Variants in CLEC4D observed in about 807,000 individuals in gnomAD.
CLEC4D encodes C-type (calcium dependent, carbohydrate-recognition domain) lectin, superfamily member 8.
Under a neutral mutation model 21.1 loss-of-function variants are expected in CLEC4D, and 21 were observed. The ratio of observed to expected loss-of-function variants is 1.00; its 90% CI spans 0.71 to 1.43. The LOEUF is 1.43. CLEC4D is among the 40% of genes most tolerant of loss of function. CLEC4D has a pLI of 0.00. For synonymous variants in CLEC4D, 85 were observed against 83.1 expected, an observed-to-expected ratio of 1.02 and a Z score of -0.12; for missense variants, 289 against 260.7, an observed-to-expected ratio of 1.11 and a Z score of -0.75.
At chr12:8,529,104 T>C in the CLEC4D span, among the ~76,000 whole-genome samples, 7 of 152,300 alleles carry the variant, frequency 4.6e-5, no homozygotes, top group African/African-American at 1.7e-4. Flanking sequence ...TACAAAATAT[T>C]TTCTTTTTTA....
chr12:8,522,114 G>C lies in CLEC4D; in HGVS notation c.*843G>C, dbSNP rs1940466113. 1.3e-5 allele frequency: 2 copies of C among 152,046 alleles called. No individual in the cohort carries two copies. Among genetic ancestry groups the C allele is most frequent in the African/African-American group, 2.4e-5 (1 of 41,402 alleles). 9.4% of individuals were successfully genotyped at this position (152,046 alleles called of 1,614,324 possible). ...GACCTCATTACTTAGCTAACGACTG[G>C]ATAAAATTTCTTAATTGTTTGAAGT... On this transcript the variant is annotated 3_prime_UTR_variant, in exon 6 of 6. Transcript: ENST00000299665.
chr12:8,526,509 T>C (rs1390768512), downstream of CLEC4D, among the ~76,000 whole-genome samples: 1 of 152,222 alleles, frequency 6.6e-6, no homozygotes, highest in Admixed American at 6.5e-5. Context: ...TCATGAAGTT[T>C]TCATGCTGTG....
chr12:8,519,308 T>C, intron 4 of CLEC4D, 148 bp downstream of exon 4: 1 of 1,278,214 alleles, frequency 7.8e-7, no homozygotes, highest in South Asian at 1.9e-5. Context: ...CTTTTTGTCA[T>C]ATGGCCAACT....
chr12:8,516,874 A>G (rs949809053), intron 2 of CLEC4D, among the ~76,000 whole-genome samples: 2 of 152,242 alleles, frequency 1.3e-5, no homozygotes, highest in Non-Finnish European at 2.9e-5. Context: ...ATAGATAAAT[A>G]TATTTTGTTT....
the CLEC4D span, among the ~76,000 whole-genome samples, chr12:8,529,505 C>G: frequency 6.6e-6 from 1 of 152,002 alleles, no homozygotes; most frequent in Non-Finnish European, 1.5e-5. Context: ...GTCCTAACTA[C>G]TTGGGAAGCC....
Position 8,518,239 on chromosome 12 carries a change from G to T in CLEC4D, c.197G>T (p.Cys66Phe), listed in dbSNP as rs1157606562. The T allele has an allele frequency of 7.4e-7, 1 of 1,359,624 alleles. No individual in the cohort carries two copies. The allele number at this position is 1,359,624 out of a possible 1,614,324, so 84.2% of individuals were successfully genotyped here. Residue 66 changes from cysteine (C) to phenylalanine (F), a missense_variant, in exon 3 of 6, where the codon TGC (cysteine) becomes TTC (phenylalanine). Coordinates refer to ENST00000299665, the MANE Select transcript of CLEC4D (RefSeq NM_080387.5). ...TTAGAGCACCATGCAAAGCTCAAAT[G>T]CATCAAAGAGAAATCAGAACTGAAA... ...HKLEHHAKLKCIKEKSELKSA... is the reference protein window; with the variant it reads ...HKLEHHAKLKFIKEKSELKSA...
rs1940363995 is a variant in CLEC4D at position 8,515,266 on chromosome 12, C to T, written c.59C>T (p.Pro20Leu). ...GGAGGCATGCATCCCCAGCTGATAC[C>T]TTCGGTTATTGCTGTAGTTTTCATC... ...LEGGMHPQLI[P>L]SVIAVVFILL... The change falls in exon 2 of 6, where the codon CCT becomes CTT. Residue 20 changes from proline (P) to leucine (L), a missense_variant. Transcript: ENST00000299665. 6.5e-7 allele frequency: 1 copy of T among 1,536,178 alleles called. No individual in the cohort carries two copies. The highest frequency in any genetic ancestry group is 1.1e-5 in the South Asian group (1 of 89,436).
intron 2 of CLEC4D, among the ~76,000 whole-genome samples, 173 bp downstream of exon 2, chr12:8,515,501 A>G (rs752068862): frequency 6.6e-6 from 1 of 152,100 alleles, no homozygotes; most frequent in Admixed American, 6.5e-5. Flanking sequence ...CTGTCTTTCA[A>G]TGGTGGTACC....
chr12:8,518,997 T>C lies in CLEC4D; in HGVS notation c.233-12T>C. 1 of 1,610,620 alleles carries C rather than the reference T, an allele frequency of 6.2e-7. No individual in the cohort carries two copies. ...CTTTTGTTACCAATTTCCGTTTTAA[T>C]TTTCACTTGAGGGAGCACCTGGAAC... is the stretch of plus-strand genomic sequence containing the variant. On this transcript the variant is annotated splice_polypyrimidine_tract_variant and intron_variant, in intron 3 of 5. Coordinates refer to ENST00000299665, the MANE Select transcript of CLEC4D (RefSeq NM_080387.5).
chr12:8,524,016 T>C (rs771317236), downstream of CLEC4D, among the ~76,000 whole-genome samples: 1 of 152,368 alleles, frequency 6.6e-6, no homozygotes, highest in Admixed American at 6.5e-5. Flanking sequence ...GATTTGCGTA[T>C]GTTGAACCAA....
At chr12:8,527,837 G>T in the CLEC4D span, among the ~76,000 whole-genome samples, 1 of 152,154 alleles carries the variant, frequency 6.6e-6, no homozygotes, top group Non-Finnish European at 1.5e-5. Context: ...GTTTGTGAGT[G>T]GGATCTTCCA....
In CLEC4D at chr12:8,521,407, T is replaced by C; in HGVS notation, c.*136T>C. The C allele has an allele frequency of 4.2e-6, 6 of 1,427,636 alleles. No individual in the cohort carries two copies. Among genetic ancestry groups the C allele is most frequent in the Non-Finnish European group, 5.5e-6 (6 of 1,092,888 alleles). The allele number at this position is 1,427,636 out of a possible 1,614,324, so 88.4% of individuals were successfully genotyped here. ...TTTTTAGTCATAATGGTCTTTTTTA[T>C]TTTGTTTGATTCATTCGAGACAACA... is the stretch of plus-strand genomic sequence containing the variant. On this transcript the variant is annotated 3_prime_UTR_variant, in exon 6 of 6. Coordinates refer to ENST00000299665, the MANE Select transcript of CLEC4D (RefSeq NM_080387.5).
downstream of CLEC4D, chr12:8,522,395 T>A (rs1300502572): frequency 6.6e-6 from 1 of 152,174 alleles, no homozygotes; most frequent in African/African-American, 2.4e-5. Context: ...TTCCTGGATC[T>A]AAGCTGAAAA....
At position 8,521,582 on chromosome 12, in the gene CLEC4D, G is replaced by A. The variant is rs184620468; in HGVS notation, c.*311G>A. 1.3e-4 allele frequency: 27 copies of A among 214,006 alleles called. No homozygotes were observed. The highest frequency in any genetic ancestry group is 6.2e-4 in the East Asian group (5 of 8,070). The allele number at this position is 214,006 out of a possible 1,614,324, so 13.3% of individuals were successfully genotyped here. On this transcript the variant is annotated 3_prime_UTR_variant, in exon 6 of 6. Transcript: ENST00000299665. The stretch of plus-strand genomic sequence containing the variant: ...CTGAATGCATGTATGGAAGAATAGC[G>A]TGAATAATGCAATCTCTTTGTCATT...
At chr12:8,516,807 A>G (rs780442495) in intron 2 of CLEC4D, among the ~76,000 whole-genome samples, 1 of 152,384 alleles carries the variant, frequency 6.6e-6, no homozygotes, top group South Asian at 2.1e-4. Context: ...TGCTCAGAAG[A>G]GCATAGTTCA....
chr12:8,516,808 G>A lies in CLEC4D; in HGVS notation c.122-1356G>A, dbSNP rs537329528. Among the ~76,000 whole-genome samples the A allele has an allele frequency of 1.9e-3, 286 of 152,318 alleles. 1 individual carries two copies. The highest frequency in any genetic ancestry group is 3.2e-3 in the Non-Finnish European group (220 of 68,034). Reference sequence around the variant, plus strand: ...TGCATGGTTGAAAATGCTCAGAAGAGCATAGTTCACAGTAGCCAAACACTG... The same window carrying A: ...TGCATGGTTGAAAATGCTCAGAAGAACATAGTTCACAGTAGCCAAACACTG... On this transcript the variant is annotated intron_variant, in intron 2 of 5. Transcript: ENST00000299665.
intron 4 of CLEC4D, 62 bp downstream of exon 4, chr12:8,519,222 A>C (rs1940425742): frequency 1.9e-6 from 3 of 1,573,682 alleles, no homozygotes; most frequent in Non-Finnish European, 2.6e-6. Context: ...GAAAAAGAGG[A>C]ATTTCTCTGT....
intron 4 of CLEC4D, 117 bp from the exon 5 acceptor site, chr12:8,520,109 C>G (rs1940438736): frequency 3.5e-6 from 5 of 1,434,098 alleles, no homozygotes; most frequent in Admixed American, 2.3e-5. Context: ...ACAGATCTAT[C>G]TGATGCCAGA....
intron 5 of CLEC4D, 80 bp downstream of exon 5, chr12:8,520,421 A>G (rs149533127): frequency 1.9e-6 from 3 of 1,541,280 alleles, no homozygotes; most frequent in Non-Finnish European, 2.6e-6. Context: ...TTTGAAGTGG[A>G]GTACATTGAT....
Sources: allele counts gnomAD v4.1 joint callset (sites outside exome capture counted in the v4.1 genomes callset), GRCh38; gene constraint gnomAD v4.1.1; transcripts MANE v1.5; gene names NCBI Gene and HGNC (gene_info 2026-07-23, HGNC 2026-07-21).